Variants in BRD7 observed in about 807,000 individuals in gnomAD.
BRD7 encodes the protein bromodomain containing 7, also known as bromodomain-containing protein 7.
BRD7 carries 15 observed loss-of-function variants against 82.1 expected under a neutral mutation model. That is an observed-to-expected ratio of 0.18 (90% CI 0.12 to 0.28). The LOEUF is 0.28. Among genes scored for constraint, BRD7 ranks in the 10% least tolerant of loss-of-function variants. The pLI is 1.00. For missense variants in BRD7, 638 were observed against 779.9 expected (o/e 0.82, Z 2.17); for synonymous variants, 232 against 266.9 (o/e 0.87, Z 1.27).
Position 50,335,040 on chromosome 16 carries a change from T to C in BRD7, c.703-145A>G, listed in dbSNP as rs374691709. On this transcript the variant is annotated intron_variant, in intron 6 of 16. Transcript: ENST00000394688. ...AATGTAATCATATACCAAGAGAGTA[T>C]TGTATTTGGAAACCATGATAATGCC... The C allele has an allele frequency of 1.1e-5, 9 of 813,700 alleles. No individual in the cohort carries two copies. The East Asian group carries it at 1.4e-4, about 12-fold the overall frequency. The allele number at this position is 813,700 out of a possible 1,614,324, so 50.4% of individuals were successfully genotyped here. A position where few individuals can be genotyped will look rare whatever the true frequency, so the allele number is the denominator to read the frequency against.
At chr16:50,356,146 A>C (rs1460858326) in intron 2 of BRD7, among the ~76,000 whole-genome samples, 1 of 152,204 alleles carries the variant, frequency 6.6e-6, no homozygotes, top group Non-Finnish European at 1.5e-5. Flanking sequence ...TTTGTCTGAA[A>C]TGTCAAGTTT....
At chr16:50,343,559 G>A (rs2038159767) in intron 5 of BRD7, among the ~76,000 whole-genome samples, 2 of 152,198 alleles carry the variant, frequency 1.3e-5, no homozygotes, top group South Asian at 4.1e-4. Flanking sequence ...TCCTAGCCAA[G>A]GGAAGCTGTG....
chr16:50,344,014 G>A (rs1241859794), intron 5 of BRD7, among the ~76,000 whole-genome samples: 2 of 152,204 alleles, frequency 1.3e-5, no homozygotes, highest in Non-Finnish European at 2.9e-5. Context: ...GCACCTCCCT[G>A]TAGGGGCCAA....
At position 50,368,172 on chromosome 16, in the gene BRD7, T is replaced by C. The variant is rs1318692758; in HGVS notation, c.176A>G (p.Lys59Arg). The C allele has an allele frequency of 6.2e-7, 1 of 1,614,082 alleles. No homozygotes were observed. The highest frequency in any genetic ancestry group is 2.2e-5 in the East Asian group (1 of 44,904). The change falls in exon 2 of 17, where the codon AAG (lysine) becomes AGG (arginine). Residue 59 changes from lysine to arginine, a missense_variant. Lys to Arg is a conservative substitution (Grantham distance 26). Coordinates refer to ENST00000394688, the MANE Select transcript of BRD7 (RefSeq NM_013263.5). ...FEDKNDHDKH[K>R]DRKRKKRKKG... is the part of the protein sequence containing the mutation. ...CTTTCTCTTTTTCCGCTTTCTGTCCTTGTGTTTGTCATGATCGTTTTTGTC... is the reference window on the plus strand; with the variant it reads ...CTTTCTCTTTTTCCGCTTTCTGTCCCTGTGTTTGTCATGATCGTTTTTGTC...
At chr16:50,352,421 C>T (rs2038565075) in intron 4 of BRD7, among the ~76,000 whole-genome samples, 1 of 152,032 alleles carries the variant, frequency 6.6e-6, no homozygotes, top group African/African-American at 2.4e-5. Flanking sequence ...GTATACATAC[C>T]ACATTTTAAA....
rs1199574317 is a variant in BRD7, at chr16:50,320,257, T to C, written c.1747A>G (p.Met583Val). ...GGGAGGCAAAACATACCAAGATGCA[T>C]TTCTCTGTATGAGGGACCCAAGAGA... ...ICLLGPSYRE[M>V]HLAEQVTNNL... is the part of the protein sequence containing the mutation. The change falls in exon 15 of 17, where the codon ATG becomes GTG. Residue 583 changes from methionine (M) to valine (V), a missense_variant. Physicochemically the swap from Met to Val is conservative, Grantham distance 21. Around this residue, in one of 3 missense-constraint regions of BRD7, gnomAD observed 402 missense variants for 500.8 expected, o/e 0.80. Coordinates refer to ENST00000394688, the MANE Select transcript of BRD7 (RefSeq NM_013263.5). 5.6e-6 allele frequency: 9 copies of C among 1,611,278 alleles called. No individual in the cohort carries two copies. The highest frequency in any genetic ancestry group is 4.0e-5 in the African/African-American group (3 of 74,600).
Position 50,319,091 on chromosome 16 carries a change from T to A in BRD7, c.*120A>T, listed in dbSNP as rs931510036. ...AGTCCAACCTCTGGAACATCCAAATTCGCTGTTCCAAAGTTTAATTAAAAA... is the reference window on the plus strand; with the variant it reads ...AGTCCAACCTCTGGAACATCCAAATACGCTGTTCCAAAGTTTAATTAAAAA... On this transcript the variant is annotated 3_prime_UTR_variant, in exon 17 of 17. Coordinates refer to ENST00000394688, the MANE Select transcript of BRD7 (RefSeq NM_013263.5). 8.1e-6 allele frequency: 8 copies of A among 992,104 alleles called. No individual in the cohort carries two copies. Among genetic ancestry groups the A allele is most frequent in the East Asian group, 5.4e-5 (2 of 37,334 alleles). The allele number at this position is 992,104 out of a possible 1,614,324, so 61.5% of individuals were successfully genotyped here. A position where few individuals can be genotyped will look rare whatever the true frequency, so the allele number is the denominator to read the frequency against.
At position 50,368,907 on chromosome 16, in the gene BRD7, G is replaced by T; in HGVS notation, c.-133C>A. 1 of 380,932 alleles carries T rather than the reference G, an allele frequency of 2.6e-6. No individual in the cohort carries two copies. The highest frequency in any genetic ancestry group is 3.6e-6 in the Non-Finnish European group (1 of 279,610). 23.6% of individuals were successfully genotyped at this position (380,932 alleles called of 1,614,324 possible). ...CCGCGCCGCGAGGCAGGGGGGCGGC[G>T]CGCGCCGGGCGGCGCGATGCCCCTC... is the stretch of plus-strand genomic sequence containing the variant. On this transcript the variant is annotated 5_prime_UTR_variant, in exon 1 of 17. Transcript: ENST00000394688.
At position 50,350,929 on chromosome 16, in the gene BRD7, T is replaced by A. The variant is rs761907178; in HGVS notation, c.447-762A>T. 3.3e-5 allele frequency among the ~76,000 whole-genome samples: 5 copies of A among 152,274 alleles called. No individual in the cohort carries two copies. The East Asian group carries it at 9.6e-4, about 29-fold the overall frequency. On this transcript the variant is annotated intron_variant, in intron 4 of 16. Transcript: ENST00000394688. The stretch of plus-strand genomic sequence containing the variant: ...GAAGGGTAGGGTCCAGGCAGTGATA[T>A]TTCCACAGATGAGTATTGGCATTGG...
chr16:50,363,252 G>C (rs2038998358), intron 2 of BRD7, among the ~76,000 whole-genome samples: 1 of 152,164 alleles, frequency 6.6e-6, no homozygotes, highest in Admixed American at 6.5e-5. Flanking sequence ...TGTATGACTA[G>C]ATCAGATGGC....
chr16:50,319,705 G>C (rs1470306095), intron 16 of BRD7, among the ~76,000 whole-genome samples, 182 bp downstream of exon 16: 1 of 152,204 alleles, frequency 6.6e-6, no homozygotes, highest in Non-Finnish European at 1.5e-5. Context: ...AAGTATACTG[G>C]AGGTTGTGTG....
intron 1 of BRD7, 117 bp downstream of exon 1, chr16:50,368,609 G>A (rs896688115): frequency 4.8e-5 from 54 of 1,124,714 alleles, no homozygotes; most frequent in Non-Finnish European, 6.0e-5. Flanking sequence ...CCCCTTCGCC[G>A]GCCTGGGCCT....
At chr16:50,324,020 C>CA (rs2037230918) in intron 11 of BRD7, among the ~76,000 whole-genome samples, 1 of 152,080 alleles carries the variant, frequency 6.6e-6, no homozygotes, top group Non-Finnish European at 1.5e-5. Flanking sequence ...CATATGGGAT[C>CA]AAAAAACTCT....
intron 14 of BRD7, 56 bp from the exon 15 acceptor site, chr16:50,320,447 C>A: frequency 1.3e-6 from 2 of 1,586,856 alleles, no homozygotes; most frequent in South Asian, 1.1e-5. Context: ...TAAACCGAAT[C>A]CTAGGCTCTA....
intron 5 of BRD7, among the ~76,000 whole-genome samples, chr16:50,343,198 T>C (rs2038142267): frequency 6.6e-6 from 1 of 152,192 alleles, no homozygotes; most frequent in African/African-American, 2.4e-5. Flanking sequence ...CCCACCCCAA[T>C]CTCATGTTGA....
At chr16:50,366,391 A>C (rs2039144923) in intron 2 of BRD7, among the ~76,000 whole-genome samples, 1 of 152,246 alleles carries the variant, frequency 6.6e-6, no homozygotes, top group African/African-American at 2.4e-5. Flanking sequence ...CCAGAGGAAA[A>C]TAAAAAAGGA....
At chr16:50,354,723 C>T in intron 3 of BRD7, 70 bp downstream of exon 3, 2 of 1,541,144 alleles carry the variant, frequency 1.3e-6, no homozygotes, top group Non-Finnish European at 1.7e-6. Context: ...AGCTAAAACC[C>T]CACCATTTTC....
In BRD7 at chr16:50,319,998, C is replaced by T. The variant is rs1229533673; in HGVS notation, c.1789G>A (p.Ala597Thr). 2 of 1,611,504 alleles carry T rather than the reference C, an allele frequency of 1.2e-6. No individual in the cohort carries two copies. Among genetic ancestry groups the T allele is most frequent in the Admixed American group, 3.4e-5 (2 of 59,456 alleles). ...ATATCACCTGGAGTTACTTGCTGTG[C>T]AAGTTCTTTAAGATTATTGGTCACT... ...EQVTNNLKEL[A>T]QQVTPGDIVS... is the part of the protein sequence containing the mutation. Residue 597 changes from alanine to threonine, a missense_variant, in exon 16 of 17, where the codon GCA (alanine) becomes ACA (threonine). Around this residue, in one of 3 missense-constraint regions of BRD7, gnomAD observed 402 missense variants for 500.8 expected, o/e 0.80. Transcript: ENST00000394688.
chr16:50,326,344 G>C lies in BRD7; in HGVS notation c.1135C>G (p.Gln379Glu), dbSNP rs2037337036. 1 of 1,602,824 alleles carries C rather than the reference G, an allele frequency of 6.2e-7. No homozygotes were observed. Among genetic ancestry groups the C allele is most frequent in the African/African-American group, 1.3e-5 (1 of 74,538 alleles). The change falls in exon 10 of 17, where the codon CAG becomes GAG. Residue 379 changes from glutamine (Q) to glutamate (E), a missense_variant. Physicochemically the swap from Gln to Glu is conservative, Grantham distance 29. This residue lies in a region of BRD7 where 402 missense variants were observed against 500.8 expected (regional missense o/e 0.80). Coordinates refer to ENST00000394688, the MANE Select transcript of BRD7 (RefSeq NM_013263.5). ...VRLGMTTGRLQSGVNTLQGFK... is the reference protein window; with the variant it reads ...VRLGMTTGRLESGVNTLQGFK... ...CCCTGCAAAGTATTCACTCCAGACT[G>C]AAGTCTTCCAGTTGTCATTCCCAGT...
Sources: gnomAD v4.1 joint callset for allele counts (sites outside exome capture counted in the v4.1 genomes callset) on GRCh38, gnomAD v4.1.1 for gene constraint, gnomAD v4.1.1 regional missense constraint, MANE v1.5 for transcripts, NCBI Gene and HGNC (gene_info 2026-07-23, HGNC 2026-07-21) for gene names.